WDR49: variants seen among roughly 807,000 people sequenced by gnomAD.
WDR49 encodes cilia- and flagella-associated protein 337.
A neutral mutation model predicts 119.5 loss-of-function variants in WDR49; 107 were observed. The ratio of observed to expected loss-of-function variants is 0.90; its 90% CI spans 0.77 to 1.05. The LOEUF is 1.05. Ranked by LOEUF, WDR49 falls within the 50% of genes least tolerant of loss-of-function variation. WDR49 has a pLI of 0.00. For synonymous variants in WDR49, 425 were observed against 418.8 expected (o/e 1.01, Z -0.18); for missense variants, 1,240 against 1,220.5 (o/e 1.02, Z -0.24).
chr3:167,481,329 G>C (rs996993036), intron 18 of WDR49, among the ~76,000 whole-genome samples: 13 of 151,994 alleles, frequency 8.6e-5, no homozygotes. Context: ...CAGAGCAGAA[G>C]TGAAAAAACT....
chr3:167,512,651 A>C (rs925366743), intron 16 of WDR49, among the ~76,000 whole-genome samples: 7 of 152,254 alleles, frequency 4.6e-5, no homozygotes, highest in Non-Finnish European at 8.8e-5. Flanking sequence ...AAGGTGGGTA[A>C]TAAACTTCAC....
intron 15 of WDR49, among the ~76,000 whole-genome samples, chr3:167,524,748 C>G (rs1486171401): frequency 6.6e-6 from 1 of 152,058 alleles, no homozygotes; most frequent in Non-Finnish European, 1.5e-5. Flanking sequence ...GGCCTCTGTT[C>G]TATTCCATTG....
rs563661134 is a variant in WDR49 at position 167,549,495 on chromosome 3, T to A, written c.1823+5155A>T. ...TGTTGGCTGCATAAATGTCTTCTTT[T>A]GAGAAGTGTCTATTCATATCCTTCA... On this transcript the variant is annotated intron_variant, in intron 10 of 18. Coordinates refer to ENST00000682715, the MANE Select transcript of WDR49 (RefSeq NM_001366157.1). Among the ~76,000 whole-genome samples, 12 of 152,328 alleles carry A rather than the reference T, an allele frequency of 7.9e-5. No homozygotes were observed. In the East Asian group the frequency reaches 2.3e-3, roughly 29 times the overall value.
intron 15 of WDR49, among the ~76,000 whole-genome samples, chr3:167,523,695 C>T (rs1307881641): frequency 6.6e-6 from 1 of 152,086 alleles, no homozygotes; most frequent in Non-Finnish European, 1.5e-5. Flanking sequence ...TGGTTTCCAG[C>T]TTCATCCATG....
At chr3:167,554,319 T>C (rs1451650063) in intron 10 of WDR49, among the ~76,000 whole-genome samples, 2 of 152,164 alleles carry the variant, frequency 1.3e-5, no homozygotes, top group Non-Finnish European at 2.9e-5. Flanking sequence ...ATGAGTTTCC[T>C]TTACAGTTGA....
At chr3:167,498,272 T>C (rs1362960123) in intron 18 of WDR49, among the ~76,000 whole-genome samples, 1 of 152,194 alleles carries the variant, frequency 6.6e-6, no homozygotes, top group Non-Finnish European at 1.5e-5. Context: ...GGTTGGGCAA[T>C]TGAGCTTATT....
intron 10 of WDR49, among the ~76,000 whole-genome samples, chr3:167,543,744 C>T (rs1024022989): frequency 1.8e-4 from 27 of 151,934 alleles, no homozygotes; most frequent in African/African-American, 6.3e-4. Context: ...ACAAAAATGC[C>T]CACTTTCACC....
intron 16 of WDR49, among the ~76,000 whole-genome samples, chr3:167,508,046 G>T (rs1751840292): frequency 6.6e-6 from 1 of 152,150 alleles, no homozygotes; most frequent in Admixed American, 6.6e-5. Flanking sequence ...GGATCCACCA[G>T]CTTTGGCATC....
At chr3:167,634,046 GT>G (rs959664656) in intron 2 of WDR49, among the ~76,000 whole-genome samples, 1 of 151,828 alleles carries the variant, frequency 6.6e-6, no homozygotes, top group African/African-American at 2.4e-5. Flanking sequence ...TCAATGAAAA[GT>G]TTAATTACTA....
At chr3:167,569,775 C>T (rs1002509998) in intron 8 of WDR49, among the ~76,000 whole-genome samples, 1 of 151,930 alleles carries the variant, frequency 6.6e-6, no homozygotes, top group Non-Finnish European at 1.5e-5. Flanking sequence ...AATATATATT[C>T]ACTTGTTTAA....
In WDR49 at chr3:167,554,748, A is replaced by G; in HGVS notation, c.1725T>C (p.Asp575=). ...GGATTTGTGAAATATCCACAGCTCCATCTTGCCCAACATTTAGTGTATGGT... is the reference window on the plus strand; with the variant it reads ...GGATTTGTGAAATATCCACAGCTCCGTCTTGCCCAACATTTAGTGTATGGT... ...YCHHTLNVGQ[D]GAVDISQILI... The change falls in exon 10 of 19, where the codon GAT becomes GAC. Residue 575 remains aspartate (D), a synonymous_variant. Coordinates refer to ENST00000682715, the MANE Select transcript of WDR49 (RefSeq NM_001366157.1). The G allele has an allele frequency of 6.2e-7, 1 of 1,613,564 alleles. No homozygotes were observed. The highest frequency in any genetic ancestry group is 8.5e-7 in the Non-Finnish European group (1 of 1,179,764).
At chr3:167,507,486 A>T (rs1405685883) in intron 16 of WDR49, among the ~76,000 whole-genome samples, 1 of 152,210 alleles carries the variant, frequency 6.6e-6, no homozygotes, top group African/African-American at 2.4e-5. Flanking sequence ...TAGGCCTTGC[A>T]GTTATTGGAT....
chr3:167,487,103 G>A (rs1577190718), intron 18 of WDR49, among the ~76,000 whole-genome samples: 1 of 152,094 alleles, frequency 6.6e-6, no homozygotes, highest in African/African-American at 2.4e-5. Context: ...AAAGCTAGAG[G>A]CATCACATTA....
At chr3:167,648,785 G>A (rs1370257239) in intron 2 of WDR49, among the ~76,000 whole-genome samples, 4 of 152,224 alleles carry the variant, frequency 2.6e-5, no homozygotes, top group South Asian at 2.1e-4. Context: ...TGTAGAAGGC[G>A]GAAGGTGGGG....
chr3:167,628,081 A>G (rs1331553796), intron 2 of WDR49, among the ~76,000 whole-genome samples: 1 of 152,060 alleles, frequency 6.6e-6, no homozygotes, highest in Non-Finnish European at 1.5e-5. Flanking sequence ...CCACACCCAT[A>G]CAAGACAGCA....
chr3:167,580,875 T>G (rs765509463), intron 7 of WDR49, among the ~76,000 whole-genome samples: 7 of 152,162 alleles, frequency 4.6e-5, no homozygotes, highest in Non-Finnish European at 8.8e-5. Context: ...CTAGAAGGGT[T>G]TTCTTTATTT....
At chr3:167,545,824 T>G (rs748997619) in intron 10 of WDR49, among the ~76,000 whole-genome samples, 7 of 150,282 alleles carry the variant, frequency 4.7e-5, no homozygotes, top group Non-Finnish European at 1.0e-4. Flanking sequence ...AACTTTTCCT[T>G]GCAACCAAAC....
chr3:167,569,193 T>C (rs936790994), intron 8 of WDR49, among the ~76,000 whole-genome samples: 3 of 152,070 alleles, frequency 2.0e-5, no homozygotes, highest in African/African-American at 7.2e-5. Context: ...CCGCCCTCCT[T>C]GGCCTCCCAA....
intron 16 of WDR49, among the ~76,000 whole-genome samples, chr3:167,511,771 C>T (rs896304526): frequency 7.9e-5 from 12 of 152,302 alleles, no homozygotes; most frequent in African/African-American, 2.2e-4. Context: ...TTTCCCCTGC[C>T]GGTGTTGGGG....
Sources: allele counts gnomAD v4.1 joint callset (sites outside exome capture counted in the v4.1 genomes callset), GRCh38; gene constraint gnomAD v4.1.1; transcripts MANE v1.5; gene names NCBI Gene and HGNC (gene_info 2026-07-23, HGNC 2026-07-21).